Variants in MRAP2 observed in about 807,000 individuals in gnomAD.
MRAP2 encodes melanocortin-2 receptor accessory protein 2.
A neutral mutation model predicts 17.4 loss-of-function variants in MRAP2; 20 were observed. The ratio of observed to expected loss-of-function variants is 1.15; its 90% CI spans 0.81 to 1.67. The LOEUF (loss-of-function observed/expected upper bound fraction) is 1.67, where lower values mean the gene tolerates loss of function less well. MRAP2 is among the 40% of genes most tolerant of loss of function. The pLI is 0.00. For synonymous variants in MRAP2, 96 were observed against 88.4 expected, an observed-to-expected ratio of 1.09 and a Z score of -0.48; for missense variants, 238 against 240.0, an observed-to-expected ratio of 0.99 and a Z score of 0.05.
chr6:84,104,147 G>C, the MRAP2 span, among the ~76,000 whole-genome samples: 1 of 152,142 alleles, frequency 6.6e-6, no homozygotes, highest in African/African-American at 2.4e-5. Flanking sequence ...CTGTGCCAAG[G>C]CTTGGGGCTT....
the MRAP2 span, among the ~76,000 whole-genome samples, chr6:84,121,029 TA>T: frequency 4.5e-3 from 692 of 152,198 alleles, 8 homozygotes; most frequent in African/African-American, 0.016. Context: ...AATATTTAGA[TA>T]GATTATATAA....
chr6:84,071,582 A>T (rs886482925), intron 3 of MRAP2, among the ~76,000 whole-genome samples: 2 of 152,202 alleles, frequency 1.3e-5, no homozygotes, highest in African/African-American at 4.8e-5. Context: ...TTTGAGATGA[A>T]TTTCCTAGGT....
At chr6:84,038,568 T>C (rs1403959020) in intron 1 of MRAP2, among the ~76,000 whole-genome samples, 11 of 152,156 alleles carry the variant, frequency 7.2e-5, no homozygotes, top group Admixed American at 7.2e-4. Flanking sequence ...CACAGCTCAC[T>C]GCAGCCTCAA....
downstream of MRAP2, among the ~76,000 whole-genome samples, chr6:84,095,880 T>C (rs2129177980): frequency 6.6e-6 from 1 of 152,314 alleles, no homozygotes; most frequent in South Asian, 2.1e-4. Flanking sequence ...GTTGGAGCTT[T>C]TGAATAAATT....
At chr6:84,040,040 TC>T (rs2099487113) in intron 1 of MRAP2, among the ~76,000 whole-genome samples, 1 of 152,214 alleles carries the variant, frequency 6.6e-6, no homozygotes, top group Non-Finnish European at 1.5e-5. Context: ...TTTGGCTGTG[TC>T]CCCGCCTAAA....
At chr6:84,036,901 G>C (rs892515065) in intron 1 of MRAP2, among the ~76,000 whole-genome samples, 27 of 152,226 alleles carry the variant, frequency 1.8e-4, no homozygotes, top group African/African-American at 6.0e-4. Context: ...AGTTCTCCAA[G>C]TCCCCACTAG....
At chr6:84,085,860 T>G (rs1318657237) in intron 3 of MRAP2, among the ~76,000 whole-genome samples, 1 of 152,024 alleles carries the variant, frequency 6.6e-6, no homozygotes, top group Non-Finnish European at 1.5e-5. Flanking sequence ...CATTCTTCAT[T>G]TAAGGTAGGC....
At chr6:84,142,754 G>C in the MRAP2 span, among the ~76,000 whole-genome samples, 1 of 152,038 alleles carries the variant, frequency 6.6e-6, no homozygotes, top group East Asian at 1.9e-4. Context: ...AAAGACCTAG[G>C]AGTTCATCCC....
At chr6:84,093,559 A>G (rs1305549982), downstream of MRAP2, among the ~76,000 whole-genome samples, 1 of 149,676 alleles carries the variant, frequency 6.7e-6, no homozygotes, top group Non-Finnish European at 1.5e-5. Context: ...CTTGTACACA[A>G]GGAAGTCAGC....
chr6:84,142,465 T>G, the MRAP2 span, among the ~76,000 whole-genome samples: 29 of 152,268 alleles, frequency 1.9e-4, no homozygotes, highest in African/African-American at 6.5e-4. Flanking sequence ...TTGTCAAAAG[T>G]AATTCATAAA....
At chr6:84,087,664 T>C (rs757220913) in intron 3 of MRAP2, among the ~76,000 whole-genome samples, 1 of 152,210 alleles carries the variant, frequency 6.6e-6, no homozygotes, top group Non-Finnish European at 1.5e-5. Context: ...ATCTTCAGTC[T>C]CTCTAAAATG....
intron 3 of MRAP2, among the ~76,000 whole-genome samples, chr6:84,079,935 G>T (rs908457200): frequency 1.3e-5 from 2 of 152,072 alleles, no homozygotes; most frequent in Non-Finnish European, 2.9e-5. Flanking sequence ...TATGGCTTTT[G>T]CAGAGTCTTT....
intron 1 of MRAP2, among the ~76,000 whole-genome samples, chr6:84,049,197 G>T (rs1391583935): frequency 1.3e-5 from 2 of 152,192 alleles, no homozygotes; most frequent in Non-Finnish European, 2.9e-5. Flanking sequence ...GGCAGAGGCA[G>T]TCGGATCGCC....
chr6:84,092,195 C>A, downstream of MRAP2, among the ~76,000 whole-genome samples: 1 of 152,286 alleles, frequency 6.6e-6, no homozygotes, highest in East Asian at 1.9e-4. Context: ...CTAAGATGAT[C>A]TCCCCATCTT....
At chr6:84,107,950 C>G in the MRAP2 span, among the ~76,000 whole-genome samples, 3 of 152,218 alleles carry the variant, frequency 2.0e-5, no homozygotes, top group African/African-American at 7.2e-5. Flanking sequence ...ATATTAACCA[C>G]TGATCTAGCA....
At chr6:84,034,680 C>T (rs2099485517) in intron 1 of MRAP2, among the ~76,000 whole-genome samples, 1 of 152,100 alleles carries the variant, frequency 6.6e-6, no homozygotes, top group African/African-American at 2.4e-5. Context: ...CAGTGAAACA[C>T]TCTGGTGTTT....
chr6:84,121,395 G>A, the MRAP2 span, among the ~76,000 whole-genome samples: 1 of 152,274 alleles, frequency 6.6e-6, no homozygotes, highest in Non-Finnish European at 1.5e-5. Context: ...TGTAATCCAA[G>A]CACTTTGGGA....
chr6:84,074,415 A>G (rs1481176424), intron 3 of MRAP2, among the ~76,000 whole-genome samples: 1 of 152,242 alleles, frequency 6.6e-6, no homozygotes, highest in African/African-American at 2.4e-5. Flanking sequence ...TGATTCCAAC[A>G]GCATGGTTAA....
intron 2 of MRAP2, chr6:84,062,347 T>A: frequency 4.2e-6 from 1 of 237,998 alleles, no homozygotes; most frequent in Non-Finnish European, 6.8e-6. Flanking sequence ...TTCTTTTTTC[T>A]GTACATCATT....
Sources: gnomAD v4.1 joint callset for allele counts (sites outside exome capture counted in the v4.1 genomes callset) on GRCh38, gnomAD v4.1.1 for gene constraint, MANE v1.5 for transcripts, NCBI Gene and HGNC (gene_info 2026-07-23, HGNC 2026-07-21) for gene names.